Variants in AKAP13 observed in about 807,000 individuals in gnomAD.
The protein encoded by AKAP13 is A-kinase anchor protein 13.
In AKAP13, 80 loss-of-function variants were observed where a neutral mutation model predicts 264.5. The observed-to-expected ratio is 0.30, with a 90% CI of 0.25 to 0.36. The LOEUF (loss-of-function observed/expected upper bound fraction) is 0.36. Ranked by LOEUF, AKAP13 falls within the 10% of genes least tolerant of loss-of-function variation. The pLI is 1.00. For missense variants in AKAP13, 3,712 were observed against 3,435.2 expected (o/e 1.08, Z -2.01); for synonymous variants, 1,380 against 1,250.2 (o/e 1.10, Z -2.19).
At chr15:85,553,836 A>C (rs2078048624) in intron 5 of AKAP13, among the ~76,000 whole-genome samples, 1 of 152,094 alleles carries the variant, frequency 6.6e-6, no homozygotes, top group South Asian at 2.1e-4. Context: ...TTCTCATAGG[A>C]GTGGAAACCG....
chr15:85,719,535 A>AGG (rs1384992204), intron 23 of AKAP13, among the ~76,000 whole-genome samples: 1 of 152,206 alleles, frequency 6.6e-6, no homozygotes, highest in African/African-American at 2.4e-5. Context: ...GGAAAGTTAA[A>AGG]GGGAGGGTAT....
intron 1 of AKAP13, among the ~76,000 whole-genome samples, chr15:85,407,989 A>G (rs1428353223): frequency 1.3e-5 from 2 of 151,678 alleles, no homozygotes; most frequent in African/African-American, 4.9e-5. Context: ...TGAAAGTTGA[A>G]TGGATGAAAC....
chr15:85,385,872 C>T (rs944737375), intron 1 of AKAP13, among the ~76,000 whole-genome samples: 14 of 152,194 alleles, frequency 9.2e-5, no homozygotes, highest in African/African-American at 3.4e-4. Flanking sequence ...GTCACCTAGG[C>T]TGGAGTACAG....
intron 1 of AKAP13, among the ~76,000 whole-genome samples, chr15:85,387,382 A>G (rs767442668): frequency 4.1e-4 from 63 of 152,132 alleles, no homozygotes; most frequent in Admixed American, 7.2e-4. Flanking sequence ...CCAGTGTGGA[A>G]TGCAGTGGTA....
chr15:85,528,223 C>G (rs552409267), intron 3 of AKAP13, among the ~76,000 whole-genome samples: 50 of 152,310 alleles, frequency 3.3e-4, no homozygotes, highest in African/African-American at 1.2e-3. Context: ...ACCTCCTGAC[C>G]TGCCAGCATA....
At position 85,581,135 on chromosome 15, in the gene AKAP13, A is replaced by G; in HGVS notation, c.3067A>G (p.Ser1023Gly). ...CCAGAGCCTGGTGCCACCAGGAGCA[A>G]GTCTGGCCACAGAGTCAAGGCAGGA... is the stretch of plus-strand genomic sequence containing the variant. ...AAQSLVPPGA[S>G]LATESRQEAL... is the part of the protein sequence containing the mutation. The change falls in exon 7 of 37, where the codon AGT (serine) becomes GGT (glycine). Residue 1023 changes from serine to glycine, a missense_variant. Physicochemically the swap from Ser to Gly is moderately conservative, Grantham distance 56 (BLOSUM62 0). Transcript: ENST00000394518. 6.2e-7 allele frequency: 1 copy of G among 1,614,040 alleles called. No individual in the cohort carries two copies. Among genetic ancestry groups the G allele is most frequent in the Non-Finnish European group, 8.5e-7 (1 of 1,179,954 alleles).
chr15:85,544,055 C>T, intron 5 of AKAP13, 100 bp downstream of exon 5: 1 of 1,399,430 alleles, frequency 7.1e-7, no homozygotes, highest in Non-Finnish European at 1.0e-6. Flanking sequence ...GTGTTTGCCG[C>T]AAATTAAAAC....
chr15:85,507,549 T>G (rs1452937925), intron 2 of AKAP13, among the ~76,000 whole-genome samples: 1 of 152,250 alleles, frequency 6.6e-6, no homozygotes, highest in Non-Finnish European at 1.5e-5. Context: ...GGCATGAAGC[T>G]GACTGCCTTT....
At chr15:85,583,960 G>C (rs2079228627) in intron 7 of AKAP13, among the ~76,000 whole-genome samples, 1 of 152,196 alleles carries the variant, frequency 6.6e-6, no homozygotes, top group Admixed American at 6.5e-5. Context: ...TCAAACTGCA[G>C]AGGAACTCTG....
chr15:85,638,795 C>T (rs1051476738), intron 8 of AKAP13, among the ~76,000 whole-genome samples: 5 of 151,780 alleles, frequency 3.3e-5, no homozygotes, highest in African/African-American at 9.7e-5. Context: ...CGTCTTGCTC[C>T]GCCCAGGCTG....
chr15:85,500,029 A>G (rs2076000527), intron 2 of AKAP13, among the ~76,000 whole-genome samples: 1 of 152,110 alleles, frequency 6.6e-6, no homozygotes, highest in African/African-American at 2.4e-5. Flanking sequence ...TGCCTCATAC[A>G]TGGATGATTA....
In AKAP13 at chr15:85,581,868, G is replaced by C. The variant is rs1407398133; in HGVS notation, c.3800G>C (p.Gly1267Ala). 6.2e-7 allele frequency: 1 copy of C among 1,614,204 alleles called. No homozygotes were observed. Among genetic ancestry groups the C allele is most frequent in the South Asian group, 1.1e-5 (1 of 91,086 alleles). The change falls in exon 7 of 37, where the codon GGA becomes GCA. Residue 1267 changes from glycine (G) to alanine (A), a missense_variant. Physicochemically the swap from Gly to Ala is moderately conservative, Grantham distance 60 (BLOSUM62 0). Coordinates refer to ENST00000394518, the MANE Select transcript of AKAP13 (RefSeq NM_007200.5). ...DAVIEQVKAA[G>A]ALLTEGEACH... ...GTCATCGAACAAGTCAAGGCCGCTG[G>C]AGCACTGCTTACTGAGGGGGAGGCC...
At chr15:85,742,380 C>T (rs2089089393) in intron 35 of AKAP13, among the ~76,000 whole-genome samples, 1 of 152,180 alleles carries the variant, frequency 6.6e-6, no homozygotes, top group Non-Finnish European at 1.5e-5. Flanking sequence ...ACATGTGGTG[C>T]CTGTGGTCCT....
chr15:85,637,521 C>G (rs1486795617), intron 8 of AKAP13, among the ~76,000 whole-genome samples: 7 of 151,986 alleles, frequency 4.6e-5, no homozygotes, highest in African/African-American at 7.2e-5. Context: ...TGTCGCTTTT[C>G]TTTTTTGATT....
chr15:85,450,969 A>G (rs1330114934), intron 1 of AKAP13, among the ~76,000 whole-genome samples: 2 of 152,120 alleles, frequency 1.3e-5, no homozygotes, highest in South Asian at 2.1e-4. Flanking sequence ...GTCTCCCACT[A>G]TTATTGTGTG....
Position 85,740,253 on chromosome 15 carries a change from A to G in AKAP13, c.7589A>G (p.Glu2530Gly). 6.2e-7 allele frequency: 1 copy of G among 1,614,134 alleles called. No individual in the cohort carries two copies. The highest frequency in any genetic ancestry group is 8.5e-7 in the Non-Finnish European group (1 of 1,180,006). Residue 2530 changes from glutamate to glycine, a missense_variant, in exon 34 of 37, where the codon GAG (glutamate) becomes GGG (glycine). Physicochemically the swap from Glu to Gly is moderately conservative, Grantham distance 98. Around this residue, in one of 3 missense-constraint regions of AKAP13, gnomAD observed 611 missense variants for 539.3 expected, o/e 1.13. Coordinates refer to ENST00000394518, the MANE Select transcript of AKAP13 (RefSeq NM_007200.5). ...QVVQSVVHLY[E>G]LLSALQGVVL... ...GTCCAGAGCGTTGTTCATCTCTACG[A>G]GCTCCTCAGCGCTCTGCAGGTGCGT...
At chr15:85,652,644 G>A (rs1205064856) in intron 10 of AKAP13, among the ~76,000 whole-genome samples, 1 of 152,144 alleles carries the variant, frequency 6.6e-6, no homozygotes, top group African/African-American at 2.4e-5. Context: ...GAAAACAACA[G>A]GAACTTACTT....
intron 8 of AKAP13, among the ~76,000 whole-genome samples, chr15:85,609,720 G>T (rs993122872): frequency 2.6e-5 from 4 of 152,130 alleles, no homozygotes; most frequent in African/African-American, 9.7e-5. Context: ...GCAGTCCCTT[G>T]CATGAATCTG....
intron 1 of AKAP13, among the ~76,000 whole-genome samples, chr15:85,408,603 C>T (rs2071792607): frequency 6.6e-6 from 1 of 151,866 alleles, no homozygotes; most frequent in South Asian, 2.1e-4. Context: ...TGGCTTACTT[C>T]ACTTAGCACA....
Sources: allele counts gnomAD v4.1 joint callset (sites outside exome capture counted in the v4.1 genomes callset), GRCh38; gene constraint gnomAD v4.1.1; regional missense constraint gnomAD v4.1.1; transcripts MANE v1.5; gene names NCBI Gene and HGNC (gene_info 2026-07-23, HGNC 2026-07-21).